Variants in FMN2 observed in about 807,000 individuals in gnomAD.
FMN2 encodes formin-2.
A neutral mutation model predicts 142.3 loss-of-function variants in FMN2; 51 were observed. That is an observed-to-expected ratio of 0.36 (90% CI 0.29 to 0.45). The LOEUF (loss-of-function observed/expected upper bound fraction) is 0.45, where lower values mean the gene tolerates loss of function less well. Ranked by LOEUF, FMN2 falls within the 20% of genes least tolerant of loss-of-function variation. The pLI, the probability that FMN2 is intolerant of heterozygous loss-of-function variation, is 1.00. For synonymous variants in FMN2, 882 were observed against 869.8 expected (o/e 1.01, Z -0.25); for missense variants, 1,936 against 2,122.8 (o/e 0.91, Z 1.73).
At chr1:240,309,165 A>G (rs1670514388) in intron 8 of FMN2, among the ~76,000 whole-genome samples, 1 of 152,216 alleles carries the variant, frequency 6.6e-6, no homozygotes, top group African/African-American at 2.4e-5. Context: ...TAACTTTAAC[A>G]GCACCCTAGG....
chr1:240,268,487 G>T (rs1668888626), intron 7 of FMN2, among the ~76,000 whole-genome samples: 1 of 151,980 alleles, frequency 6.6e-6, no homozygotes. Context: ...CATTGTCTCT[G>T]TGCTGTGAGA....
At chr1:240,420,832 G>A (rs1413528456) in intron 15 of FMN2, among the ~76,000 whole-genome samples, 4 of 152,138 alleles carry the variant, frequency 2.6e-5, no homozygotes, top group Non-Finnish European at 5.9e-5. Context: ...CCCGGTTCTC[G>A]CAGACTACTT....
At chr1:240,139,425 T>C (rs950022956) in intron 2 of FMN2, among the ~76,000 whole-genome samples, 10 of 152,130 alleles carry the variant, frequency 6.6e-5, no homozygotes, top group African/African-American at 2.2e-4. Context: ...AGAAGAGAGA[T>C]TGACGACTCT....
chr1:240,192,837 AG>A (rs200130780), intron 4 of FMN2, among the ~76,000 whole-genome samples: 5,524 of 94,876 alleles, frequency 0.058, 345 homozygotes, highest in African/African-American at 0.23. Context: ...AGAGAAAGAA[AG>A]GATTTTTTTT....
intron 14 of FMN2, among the ~76,000 whole-genome samples, chr1:240,358,911 C>T (rs1284347510): frequency 6.6e-6 from 1 of 152,146 alleles, no homozygotes; most frequent in Non-Finnish European, 1.5e-5. Flanking sequence ...CTGAGGTGCG[C>T]AGGTCACATG....
chr1:240,275,958 T>C (rs1192414614), intron 7 of FMN2, among the ~76,000 whole-genome samples: 1 of 152,170 alleles, frequency 6.6e-6, no homozygotes, highest in Admixed American at 6.6e-5. Flanking sequence ...AAGTAGAAAG[T>C]ATAGCCTGTT....
At chr1:240,428,877 TATG>T (rs1675044625) in intron 15 of FMN2, among the ~76,000 whole-genome samples, 1 of 152,366 alleles carries the variant, frequency 6.6e-6, no homozygotes, top group Non-Finnish European at 1.5e-5. Context: ...TCATTTTTGT[TATG>T]ATGTTTCTGT....
intron 14 of FMN2, among the ~76,000 whole-genome samples, chr1:240,366,987 G>A (rs1672694144): frequency 6.6e-6 from 1 of 152,142 alleles, no homozygotes; most frequent in Non-Finnish European, 1.5e-5. Context: ...TGAATCTTCT[G>A]CCTCGGAGGT....
intron 15 of FMN2, among the ~76,000 whole-genome samples, chr1:240,428,597 A>C (rs80187799): frequency 0.033 from 5,049 of 152,196 alleles, 264 homozygotes; most frequent in African/African-American, 0.12. Context: ...CTTGGATATG[A>C]CACTCCAGGT....
At chr1:240,454,989 T>G (rs1172018495) in intron 16 of FMN2, among the ~76,000 whole-genome samples, 2 of 152,010 alleles carry the variant, frequency 1.3e-5, no homozygotes, top group African/African-American at 4.8e-5. Flanking sequence ...GATGGTATTA[T>G]GAGGAAAGCT....
intron 8 of FMN2, among the ~76,000 whole-genome samples, chr1:240,319,335 T>C (rs908557424): frequency 5.3e-5 from 8 of 152,190 alleles, no homozygotes; most frequent in Non-Finnish European, 1.0e-4. Context: ...ATAAAGGAAC[T>C]CGTAGAAGTT....
At chr1:240,117,527 A>T (rs112160171) in intron 1 of FMN2, among the ~76,000 whole-genome samples, 43 of 152,326 alleles carry the variant, frequency 2.8e-4, no homozygotes, top group African/African-American at 9.4e-4. Context: ...TGTTTGAAGT[A>T]TGTAATTATA....
intron 8 of FMN2, among the ~76,000 whole-genome samples, chr1:240,307,260 A>G (rs1670441185): frequency 6.6e-6 from 1 of 151,988 alleles, no homozygotes. Context: ...TAATTGTGCC[A>G]TTTCTCTATT....
intron 16 of FMN2, among the ~76,000 whole-genome samples, chr1:240,460,268 A>C (rs1343000074): frequency 6.6e-6 from 1 of 152,220 alleles, no homozygotes; most frequent in African/African-American, 2.4e-5. Context: ...TAATATCTTC[A>C]GTGTTGTAAA....
chr1:240,206,730 CTTAATTTTTT>C, intron 4 of FMN2, 59 bp from the exon 5 acceptor site: 1 of 1,516,984 alleles, frequency 6.6e-7, no homozygotes, highest in Non-Finnish European at 8.9e-7. Context: ...TATAATTTTG[CTTAATTTTTT>C]GCTATTTGCA....
In FMN2 at chr1:240,290,783, T is replaced by TTTTG. The variant is rs1251008800; in HGVS notation, c.4154-4036_4154-4035insGTTT. Reference sequence around the variant, plus strand: ...TGGAGTGATGTCTGTTTGTTTGGTTTTTTTTTTTTGTTTTTTTTTTTTTTT... The same window carrying TTTTG: ...TGGAGTGATGTCTGTTTGTTTGGTTTTTTGTTTTTTTTTGTTTTTTTTTTTTTTT... On this transcript the variant is annotated intron_variant, in intron 7 of 17. Transcript: ENST00000319653. Among the ~76,000 whole-genome samples, 134 of 104,846 alleles carry TTTTG rather than the reference T, an allele frequency of 1.3e-3. 6 individuals carry two copies. Among genetic ancestry groups the TTTTG allele is most frequent in the South Asian group, 2.1e-3 (7 of 3,284 alleles). The allele number at this position is 104,846 out of a possible 152,430, so 68.8% of individuals were successfully genotyped here.
At chr1:240,308,181 T>C (rs1670478168) in intron 8 of FMN2, among the ~76,000 whole-genome samples, 1 of 152,114 alleles carries the variant, frequency 6.6e-6, no homozygotes, top group South Asian at 2.1e-4. Flanking sequence ...TAAGAGACCA[T>C]ATCATGCCTG....
At chr1:240,120,860 G>T (rs1662207992) in intron 1 of FMN2, among the ~76,000 whole-genome samples, 1 of 152,166 alleles carries the variant, frequency 6.6e-6, no homozygotes, top group South Asian at 2.1e-4. Context: ...ATAAATGTTT[G>T]AAAGTTAAAG....
In FMN2 at chr1:240,350,953, ATTAT is replaced by A. The variant is rs758827707; in HGVS notation, c.4766-4857_4766-4854del. ...CACTATGACAGGAAGATACAATGAA[ATTAT>A]TTATTCATTCCACAAAGAACTGTTG... is the stretch of plus-strand genomic sequence containing the variant. On this transcript the variant is annotated intron_variant, in intron 13 of 17. Transcript: ENST00000319653. Among the ~76,000 whole-genome samples the A allele has an allele frequency of 3.8e-4, 58 of 152,330 alleles. 1 individual carries two copies. The Middle Eastern group carries it at 0.017, about 45-fold the overall frequency.
Sources: allele counts gnomAD v4.1 joint callset (sites outside exome capture counted in the v4.1 genomes callset), GRCh38; gene constraint gnomAD v4.1.1; transcripts MANE v1.5; gene names NCBI Gene and HGNC (gene_info 2026-07-23, HGNC 2026-07-21).